Variants in LINGO2 observed in about 807,000 individuals in gnomAD.
The protein encoded by LINGO2 is leucine rich repeat and Ig domain containing 2.
A neutral mutation model predicts 30.6 loss-of-function variants in LINGO2; 14 were observed. The ratio of observed to expected loss-of-function variants is 0.46; its 90% CI spans 0.30 to 0.72. The LOEUF (loss-of-function observed/expected upper bound fraction) is 0.72. Among genes scored for constraint, LINGO2 ranks in the 30% least tolerant of loss-of-function variants. LINGO2 has a pLI of 0.07. For synonymous variants in LINGO2, 317 were observed against 288.5 expected, an observed-to-expected ratio of 1.10 and a Z score of -1.00; for missense variants, 729 against 751.7, an observed-to-expected ratio of 0.97 and a Z score of 0.35.
chr9:28,880,763 C>T, the LINGO2 span, among the ~76,000 whole-genome samples: 29 of 152,170 alleles, frequency 1.9e-4, no homozygotes, highest in African/African-American at 6.0e-4. Context: ...CCCGATTGTA[C>T]ATTTGTTCAA....
At chr9:28,118,130 C>A (rs939157077) in intron 4 of LINGO2, among the ~76,000 whole-genome samples, 1 of 151,996 alleles carries the variant, frequency 6.6e-6, no homozygotes, top group Non-Finnish European at 1.5e-5. Flanking sequence ...CTAACACATG[C>A]TGGGCTTAAT....
intron 1 of LINGO2, among the ~76,000 whole-genome samples, chr9:28,486,997 C>T (rs1179954744): frequency 6.6e-6 from 1 of 151,840 alleles, no homozygotes; most frequent in Non-Finnish European, 1.5e-5. Context: ...AAGATGGCCT[C>T]AAGGTAGAGT....
intron 4 of LINGO2, among the ~76,000 whole-genome samples, chr9:28,249,414 A>G: frequency 6.6e-6 from 1 of 152,156 alleles, no homozygotes; most frequent in East Asian, 1.9e-4. Flanking sequence ...CTGCAGCTAG[A>G]AATGTGTTTA....
chr9:28,242,024 A>G (rs1380956000), intron 4 of LINGO2, among the ~76,000 whole-genome samples: 1 of 152,158 alleles, frequency 6.6e-6, no homozygotes, highest in African/African-American at 2.4e-5. Context: ...AAAAAAATCA[A>G]TGAAAAAATG....
chr9:28,226,930 C>T (rs1006086342), intron 4 of LINGO2, among the ~76,000 whole-genome samples: 1 of 152,074 alleles, frequency 6.6e-6, no homozygotes, highest in Non-Finnish European at 1.5e-5. Flanking sequence ...AATTTTAGAA[C>T]TAGGTAGGGT....
chr9:29,211,856 G>A, the LINGO2 span, among the ~76,000 whole-genome samples: 1 of 152,094 alleles, frequency 6.6e-6, no homozygotes, highest in Non-Finnish European at 1.5e-5. Flanking sequence ...AGCGTTCTCC[G>A]CAAAAAACTT....
At chr9:28,732,026 T>C in the LINGO2 span, among the ~76,000 whole-genome samples, 1 of 151,892 alleles carries the variant, frequency 6.6e-6, no homozygotes, top group South Asian at 2.1e-4. Flanking sequence ...ATAAAGAAAA[T>C]AATTATATTT....
chr9:28,632,470 G>A (rs962349403), intron 1 of LINGO2, among the ~76,000 whole-genome samples: 1 of 150,748 alleles, frequency 6.6e-6, no homozygotes, highest in African/African-American at 2.4e-5. Context: ...GGGGTTTTCA[G>A]GTGGATTAGT....
At chr9:28,445,928 G>T (rs1824407899) in intron 2 of LINGO2, among the ~76,000 whole-genome samples, 1 of 152,168 alleles carries the variant, frequency 6.6e-6, no homozygotes, top group Non-Finnish European at 1.5e-5. Flanking sequence ...CAAAAAAGGA[G>T]AGATTCTACC....
chr9:28,787,859 A>G, the LINGO2 span, among the ~76,000 whole-genome samples: 1 of 152,184 alleles, frequency 6.6e-6, no homozygotes, highest in East Asian at 1.9e-4. Context: ...TTTAAATTAC[A>G]TGGTGGAAGC....
At chr9:28,794,698 T>A in the LINGO2 span, among the ~76,000 whole-genome samples, 73 of 152,332 alleles carry the variant, frequency 4.8e-4, no homozygotes, top group African/African-American at 1.6e-3. Flanking sequence ...ACTCTAATTG[T>A]CTAAATGCTT....
At chr9:28,423,348 G>GA (rs1279200825) in intron 2 of LINGO2, among the ~76,000 whole-genome samples, 1 of 151,290 alleles carries the variant, frequency 6.6e-6, no homozygotes, top group African/African-American at 2.4e-5. Context: ...AGAAATAAGG[G>GA]AAAAAAAATT....
chr9:27,945,227 T>G (rs1294801991), downstream of LINGO2, among the ~76,000 whole-genome samples: 1 of 152,122 alleles, frequency 6.6e-6, no homozygotes, highest in Non-Finnish European at 1.5e-5. Flanking sequence ...CAAGATCACA[T>G]TCTCTCTTTT....
the LINGO2 span, among the ~76,000 whole-genome samples, chr9:28,904,763 C>T: frequency 6.6e-6 from 1 of 151,838 alleles, no homozygotes; most frequent in Admixed American, 6.6e-5. Flanking sequence ...TTAAAATGTG[C>T]ATACTACCCA....
At chr9:28,782,053 T>C in the LINGO2 span, among the ~76,000 whole-genome samples, 1 of 152,190 alleles carries the variant, frequency 6.6e-6, no homozygotes, top group Non-Finnish European at 1.5e-5. Flanking sequence ...GATTCCTTAC[T>C]TGATTCCTCA....
the LINGO2 span, among the ~76,000 whole-genome samples, chr9:28,900,710 C>T: frequency 6.6e-6 from 1 of 152,162 alleles, no homozygotes; most frequent in Non-Finnish European, 1.5e-5. Context: ...TCTGCAAAGA[C>T]TGAAATGAGT....
intron 4 of LINGO2, among the ~76,000 whole-genome samples, chr9:28,281,530 G>A (rs1051779399): frequency 1.3e-5 from 2 of 151,818 alleles, no homozygotes; most frequent in African/African-American, 2.4e-5. Context: ...TAGGTACTAG[G>A]CATTTAAAAA....
At chr9:29,209,523 G>C in the LINGO2 span, among the ~76,000 whole-genome samples, 1 of 152,018 alleles carries the variant, frequency 6.6e-6, no homozygotes, top group African/African-American at 2.4e-5. Context: ...AAGGAAGGAA[G>C]GAAGGAAGGA....
the LINGO2 span, among the ~76,000 whole-genome samples, chr9:29,094,078 C>G: frequency 1.4e-5 from 2 of 138,728 alleles, no homozygotes; most frequent in African/African-American, 5.4e-5. Context: ...GAAGAACATG[C>G]ACTACTTGAT....
Sources: gnomAD v4.1 joint callset for allele counts (sites outside exome capture counted in the v4.1 genomes callset) on GRCh38, gnomAD v4.1.1 for gene constraint, MANE v1.5 for transcripts, NCBI Gene and HGNC (gene_info 2026-07-23, HGNC 2026-07-21) for gene names.